The following PPM1L variants were observed in gnomAD, a reference collection of about 807,000 sequenced individuals.
PPM1L encodes protein phosphatase, Mg2+/Mn2+ dependent 1L.
PPM1L carries 13 observed loss-of-function variants against 31.4 expected under a neutral mutation model. The ratio of observed to expected loss-of-function variants is 0.41; its 90% CI spans 0.27 to 0.66. The LOEUF (loss-of-function observed/expected upper bound fraction) is 0.66. Ranked by LOEUF, PPM1L falls within the 30% of genes least tolerant of loss-of-function variation. The pLI, the probability that PPM1L is intolerant of heterozygous loss-of-function variation, is 0.29. For synonymous variants in PPM1L, 184 were observed against 175.4 expected (o/e 1.05, Z -0.39); for missense variants, 326 against 453.7 (o/e 0.72, Z 2.56).
intron 2 of PPM1L, among the ~76,000 whole-genome samples, chr3:160,978,415 G>A (rs995071105): frequency 4.6e-5 from 7 of 152,198 alleles, no homozygotes; most frequent in Non-Finnish European, 1.0e-4. Context: ...AGGTACGGGA[G>A]CAAGAGAGTA....
chr3:161,014,285 T>C (rs2108066119), intron 2 of PPM1L, among the ~76,000 whole-genome samples: 1 of 152,298 alleles, frequency 6.6e-6, no homozygotes, highest in South Asian at 2.1e-4. Flanking sequence ...TTACTGTGAT[T>C]TATCTTTTCC....
At chr3:160,907,339 A>G (rs761432188) in intron 1 of PPM1L, among the ~76,000 whole-genome samples, 2 of 152,260 alleles carry the variant, frequency 1.3e-5, no homozygotes, top group Non-Finnish European at 1.5e-5. Flanking sequence ...ATTCTGGTCT[A>G]CGTATTTTCT....
At chr3:160,833,577 TC>T (rs1191929410) in intron 1 of PPM1L, among the ~76,000 whole-genome samples, 7 of 152,216 alleles carry the variant, frequency 4.6e-5, no homozygotes, top group Non-Finnish European at 8.8e-5. Flanking sequence ...ATAAATGTCT[TC>T]TTTTGAGAAA....
intron 2 of PPM1L, among the ~76,000 whole-genome samples, chr3:161,054,638 C>G (rs772489293): frequency 6.6e-6 from 1 of 152,100 alleles, no homozygotes; most frequent in African/African-American, 2.4e-5. Context: ...AAGACTCTGG[C>G]AACAGGCTAG....
At position 160,765,920 on chromosome 3, in the gene PPM1L, G is replaced by C. The variant is rs555283877; in HGVS notation, c.399+9213G>C. 1.6e-4 allele frequency among the ~76,000 whole-genome samples: 24 copies of C among 152,118 alleles called. No individual in the cohort carries two copies. In the South Asian group the frequency reaches 1.9e-3, roughly 12 times the overall value. The stretch of plus-strand genomic sequence containing the variant: ...CTCATTTGTTTATAATACTGAGTTG[G>C]TATGTTTAGTTTGAGTGGATGCTAA... On this transcript the variant is annotated intron_variant, in intron 1 of 3. Transcript: ENST00000498165.
chr3:160,921,277 A>G (rs937152048), intron 1 of PPM1L, among the ~76,000 whole-genome samples: 1 of 152,236 alleles, frequency 6.6e-6, no homozygotes, highest in Non-Finnish European at 1.5e-5. Context: ...CAGGCTGAAT[A>G]TTAGGATGGT....
chr3:160,979,415 C>A (rs1716721347), intron 2 of PPM1L, among the ~76,000 whole-genome samples: 1 of 151,998 alleles, frequency 6.6e-6, no homozygotes, highest in African/African-American at 2.4e-5. Context: ...ATCTAAGGGG[C>A]ACAACTCTAG....
At chr3:161,013,286 G>C (rs1717958446) in intron 2 of PPM1L, among the ~76,000 whole-genome samples, 1 of 152,220 alleles carries the variant, frequency 6.6e-6, no homozygotes, top group African/African-American at 2.4e-5. Flanking sequence ...TATGCACCCA[G>C]TAGTCATTCA....
chr3:160,845,577 G>A (rs945454959), intron 1 of PPM1L, among the ~76,000 whole-genome samples: 8 of 151,802 alleles, frequency 5.3e-5, no homozygotes, highest in Admixed American at 3.3e-4. Context: ...CATTGCCTAA[G>A]CCAAGGTCAC....
At chr3:160,977,984 A>G (rs1253729120) in intron 2 of PPM1L, among the ~76,000 whole-genome samples, 1 of 152,182 alleles carries the variant, frequency 6.6e-6, no homozygotes, top group African/African-American at 2.4e-5. Flanking sequence ...CCTCAAATGT[A>G]GAGCCTGAAG....
intron 1 of PPM1L, among the ~76,000 whole-genome samples, chr3:160,792,471 C>CAA (rs1262754291): frequency 6.6e-6 from 1 of 151,998 alleles, no homozygotes; most frequent in Non-Finnish European, 1.5e-5. Context: ...ACAGAGTTCC[C>CAA]ATATGCTTTA....
rs138283438 is a variant in PPM1L at position 160,922,963 on chromosome 3, G to A, written c.400-38773G>A. ...TACCTAAATATTGGACCTGATTTCTGCCAACGAATAAACTACTAATGTACT... is the reference window on the plus strand; with the variant it reads ...TACCTAAATATTGGACCTGATTTCTACCAACGAATAAACTACTAATGTACT... On this transcript the variant is annotated intron_variant, in intron 1 of 3. Coordinates refer to ENST00000498165, the MANE Select transcript of PPM1L (RefSeq NM_139245.4). Among the ~76,000 whole-genome samples the A allele has an allele frequency of 2.4e-4, 36 of 152,272 alleles. No homozygotes were observed. The East Asian group carries it at 4.4e-3, about 19-fold the overall frequency.
chr3:160,777,519 T>G (rs2108064607), intron 1 of PPM1L, among the ~76,000 whole-genome samples: 1 of 152,246 alleles, frequency 6.6e-6, no homozygotes, highest in Non-Finnish European at 1.5e-5. Context: ...CAACTCCCTA[T>G]TTTTTCCTCC....
At position 161,077,575 on chromosome 3, in the gene PPM1L, GC is replaced by G. The variant is rs1430939260; in HGVS notation, c.*8423del. 5 of 152,194 alleles carry G rather than the reference GC, an allele frequency of 3.3e-5. No homozygotes were observed. The highest frequency in any genetic ancestry group is 9.7e-5 in the African/African-American group (4 of 41,438). 9.4% of individuals were successfully genotyped at this position (152,194 alleles called of 1,614,324 possible). On this transcript the variant is annotated 3_prime_UTR_variant, in exon 4 of 4. Transcript: ENST00000498165. ...CAAGAGACTAGTGTAATAACCTTAT[GC>G]CCCCAAAGACAGCCCAGAACTGAGT...
chr3:160,944,799 T>G (rs1455927911), intron 1 of PPM1L, among the ~76,000 whole-genome samples: 1 of 22,150 alleles, frequency 4.5e-5, no homozygotes, highest in African/African-American at 1.1e-4. Flanking sequence ...ATGTTATATA[T>G]AACATATATA....
At chr3:160,786,153 C>CTGTGTGTGTG (rs775015539) in intron 1 of PPM1L, among the ~76,000 whole-genome samples, 91 of 74,160 alleles carry the variant, frequency 1.2e-3, no homozygotes, top group African/African-American at 2.7e-3. Flanking sequence ...CTCTCTCTCT[C>CTGTGTGTGTG]TCTCTGTGTG....
chr3:160,943,778 G>A (rs1215855512), intron 1 of PPM1L, among the ~76,000 whole-genome samples: 1 of 152,104 alleles, frequency 6.6e-6, no homozygotes. Flanking sequence ...GCCTGAATGT[G>A]GACATAGATT....
chr3:160,864,782 G>T (rs1712031239), intron 1 of PPM1L, among the ~76,000 whole-genome samples: 1 of 152,180 alleles, frequency 6.6e-6, no homozygotes, highest in East Asian at 1.9e-4. Context: ...GTCCTCATCT[G>T]GGTATTAGAT....
At chr3:160,922,266 C>T (rs894234506) in intron 1 of PPM1L, among the ~76,000 whole-genome samples, 7 of 152,114 alleles carry the variant, frequency 4.6e-5, no homozygotes, top group African/African-American at 1.7e-4. Context: ...GCCGAGATCA[C>T]ACCACTGCAC....
Sources: gnomAD v4.1 joint callset for allele counts (sites outside exome capture counted in the v4.1 genomes callset) on GRCh38, gnomAD v4.1.1 for gene constraint, MANE v1.5 for transcripts, NCBI Gene and HGNC (gene_info 2026-07-23, HGNC 2026-07-21) for gene names.